BICD1: variants seen among roughly 807,000 people sequenced by gnomAD.
BICD1 encodes the protein BICD cargo adaptor 1.
BICD1 carries 35 observed loss-of-function variants against 92.5 expected under a neutral mutation model. That is an observed-to-expected ratio of 0.38 (90% CI 0.29 to 0.50). The LOEUF (loss-of-function observed/expected upper bound fraction) is 0.50, where lower values mean the gene tolerates loss of function less well. BICD1 is among the 20% of genes least tolerant of loss of function. The probability of loss-of-function intolerance (pLI) is 0.93; values close to 1 mark genes in which losing one functional copy is unlikely to be tolerated. For synonymous variants in BICD1, 429 were observed against 465.1 expected (o/e 0.92, Z 1.00); for missense variants, 950 against 1,189.8 (o/e 0.80, Z 2.97).
chr12:32,299,807 G>C (rs541501365), intron 3 of BICD1, among the ~76,000 whole-genome samples: 5 of 152,154 alleles, frequency 3.3e-5, no homozygotes, highest in Admixed American at 6.5e-5. Flanking sequence ...GCAAGAGATC[G>C]GGTCTTACAG....
intron 4 of BICD1, among the ~76,000 whole-genome samples, chr12:32,307,015 C>G (rs1381466579): frequency 7.3e-6 from 1 of 136,526 alleles, no homozygotes; most frequent in African/African-American, 2.7e-5. Context: ...AACGTCATCT[C>G]AAAAAAAAAA....
In BICD1 at chr12:32,183,538, T is replaced by A. The variant is rs189571765; in HGVS notation, c.214-32709T>A. Among the ~76,000 whole-genome samples, 75 of 152,330 alleles carry A rather than the reference T, an allele frequency of 4.9e-4. 3 individuals carry two copies. In the East Asian group the frequency reaches 6.4e-3, roughly 13 times the overall value. On this transcript the variant is annotated intron_variant, in intron 1 of 9. Coordinates refer to ENST00000652176, the MANE Select transcript of BICD1 (RefSeq NM_001714.4). ...CCTCGGCCTCCCAAAGTGCTGGCAT[T>A]ATAGGCGTGAGCCACTGTTCCCAGC...
intron 1 of BICD1, among the ~76,000 whole-genome samples, chr12:32,143,077 C>CT (rs1286501089): frequency 6.6e-6 from 1 of 152,174 alleles, no homozygotes; most frequent in Non-Finnish European, 1.5e-5. Context: ...ACCTGTCATT[C>CT]TTTTACCAGA....
intron 1 of BICD1, among the ~76,000 whole-genome samples, chr12:32,187,641 C>A (rs970686995): frequency 2.0e-5 from 3 of 151,898 alleles, no homozygotes; most frequent in African/African-American, 7.3e-5. Context: ...CCCCGCACTC[C>A]AGCCTGGGCA....
intron 1 of BICD1, among the ~76,000 whole-genome samples, chr12:32,134,270 T>A (rs1400973393): frequency 6.6e-6 from 1 of 152,204 alleles, no homozygotes; most frequent in Non-Finnish European, 1.5e-5. Flanking sequence ...CTTTGTTAAC[T>A]CACTGGCACT....
intron 1 of BICD1, among the ~76,000 whole-genome samples, chr12:32,160,245 T>C (rs1943561503): frequency 6.6e-6 from 1 of 152,230 alleles, no homozygotes; most frequent in Non-Finnish European, 1.5e-5. Flanking sequence ...CAGCCTCGGC[T>C]AATCCCTTAG....
intron 2 of BICD1, among the ~76,000 whole-genome samples, chr12:32,236,278 C>G (rs1020927253): frequency 4.0e-5 from 6 of 151,716 alleles, no homozygotes; most frequent in African/African-American, 1.5e-4. Flanking sequence ...ACCTGTAGTC[C>G]CAGCTACTTG....
chr12:32,309,726 C>T (rs927737890), intron 4 of BICD1, among the ~76,000 whole-genome samples: 1 of 152,108 alleles, frequency 6.6e-6, no homozygotes, highest in Non-Finnish European at 1.5e-5. Flanking sequence ...CAGTTTTGCG[C>T]ACCTCAGCTT....
In BICD1 at chr12:32,310,854, A is replaced by G. The variant is rs541576097; in HGVS notation, c.1005+4732A>G. ...ATATGTACAATTTTTGTCAGTTAAA[A>G]TAAATACATTAATTTGTTTTTAAAG... On this transcript the variant is annotated intron_variant, in intron 4 of 9. Coordinates refer to ENST00000652176, the MANE Select transcript of BICD1 (RefSeq NM_001714.4). 2.0e-5 allele frequency among the ~76,000 whole-genome samples: 3 copies of G among 152,346 alleles called. No individual in the cohort carries two copies. In the East Asian group the frequency reaches 5.8e-4, roughly 29 times the overall value.
At chr12:32,310,242 T>C (rs962521873) in intron 4 of BICD1, among the ~76,000 whole-genome samples, 71 of 152,236 alleles carry the variant, frequency 4.7e-4, no homozygotes, top group African/African-American at 1.5e-3. Flanking sequence ...GTGTTCTCAG[T>C]GTTGTAGAAC....
rs1220194049 is a variant in BICD1, at chr12:32,381,401, T to C, written c.*3774T>C. The C allele has an allele frequency of 1.3e-5, 2 of 152,146 alleles. No homozygotes were observed. The highest frequency in any genetic ancestry group is 2.9e-5 in the Non-Finnish European group (2 of 67,982). The allele number at this position is 152,146 out of a possible 1,614,324, so 9.4% of individuals were successfully genotyped here. On this transcript the variant is annotated 3_prime_UTR_variant, in exon 10 of 10. Coordinates refer to ENST00000652176, the MANE Select transcript of BICD1 (RefSeq NM_001714.4). ...TCTTTATTTAAAAGGATCTTCAGTC[T>C]ACAACATTTGCTTTTTTCGTGCTTT...
chr12:32,352,259 G>C (rs918207671), intron 8 of BICD1: 1 of 146,578 alleles, frequency 6.8e-6, no homozygotes, highest in African/African-American at 2.5e-5. Flanking sequence ...TTGGCCGGGC[G>C]TGGTGGCTCA....
chr12:32,252,428 G>A (rs1946591869), intron 2 of BICD1, among the ~76,000 whole-genome samples: 1 of 151,954 alleles, frequency 6.6e-6, no homozygotes, highest in Non-Finnish European at 1.5e-5. Context: ...GATAGTGGGA[G>A]CAGGTGGGTG....
chr12:32,349,772 T>G (rs1287619418), intron 8 of BICD1, among the ~76,000 whole-genome samples: 10 of 152,206 alleles, frequency 6.6e-5, no homozygotes. Flanking sequence ...TTAAAGTGAC[T>G]GTGTGTTGTG....
intron 2 of BICD1, chr12:32,227,766 C>T (rs1171179704): frequency 6.4e-6 from 1 of 155,542 alleles, no homozygotes; most frequent in Non-Finnish European, 1.5e-5. Flanking sequence ...CATTGGGGGC[C>T]TCGCCCCTGG....
chr12:32,353,797 T>C (rs1423670927), intron 8 of BICD1: 1 of 152,238 alleles, frequency 6.6e-6, no homozygotes, highest in Non-Finnish European at 1.5e-5. Context: ...TGTGCTGTTA[T>C]TGACTTTGCT....
At chr12:32,154,074 C>T (rs1445024089) in intron 1 of BICD1, among the ~76,000 whole-genome samples, 1 of 151,858 alleles carries the variant, frequency 6.6e-6, no homozygotes, top group Admixed American at 6.6e-5. Context: ...AAGCATGTCA[C>T]CCAGTTGCCT....
At chr12:32,310,481 A>G (rs1234766556) in intron 4 of BICD1, among the ~76,000 whole-genome samples, 3 of 152,212 alleles carry the variant, frequency 2.0e-5, no homozygotes, top group African/African-American at 7.2e-5. Flanking sequence ...CCGCAGCTCA[A>G]TCAGACTTCT....
rs115116052 is a variant in BICD1, at chr12:32,361,943, A to C, written c.2765-5727A>C. 4.6e-5 allele frequency among the ~76,000 whole-genome samples: 7 copies of C among 152,338 alleles called. No individual in the cohort carries two copies. In the East Asian group the frequency reaches 1.3e-3, roughly 29 times the overall value. On this transcript the variant is annotated intron_variant, in intron 8 of 9. Coordinates refer to ENST00000652176, the MANE Select transcript of BICD1 (RefSeq NM_001714.4). ...GTGCTCACCAGTGCCCACTGCTGCC[A>C]TCTGGGCCAGGTGTGGAGCCAAAAC...
Sources: allele counts gnomAD v4.1 joint callset (sites outside exome capture counted in the v4.1 genomes callset), GRCh38; gene constraint gnomAD v4.1.1; transcripts MANE v1.5; gene names NCBI Gene and HGNC (gene_info 2026-07-23, HGNC 2026-07-21).